LEPR: variants seen among roughly 807,000 people sequenced by gnomAD.
The protein encoded by LEPR is leptin receptor.
A neutral mutation model predicts 114.7 loss-of-function variants in LEPR; 56 were observed. The ratio of observed to expected loss-of-function variants is 0.49; its 90% CI spans 0.39 to 0.61. The LOEUF (loss-of-function observed/expected upper bound fraction) is 0.61, where lower values mean the gene tolerates loss of function less well. LEPR is among the 20% of genes least tolerant of loss of function. LEPR has a pLI of 0.00. For synonymous variants in LEPR, 443 were observed against 461.4 expected (o/e 0.96, Z 0.51); for missense variants, 1,202 against 1,352.9 (o/e 0.89, Z 1.75).
At chr1:65,489,268 A>G (rs578007135) in intron 2 of LEPR, among the ~76,000 whole-genome samples, 6 of 152,114 alleles carry the variant, frequency 3.9e-5, no homozygotes, top group Non-Finnish European at 8.8e-5. Flanking sequence ...CCACATCCTC[A>G]CCAGCATTTG....
intron 2 of LEPR, among the ~76,000 whole-genome samples, chr1:65,477,411 T>C (rs1421361170): frequency 6.6e-6 from 1 of 152,198 alleles, no homozygotes; most frequent in African/African-American, 2.4e-5. Context: ...TTAGTATCTC[T>C]TTGTCCAATG....
chr1:65,634,403 T>A (rs1658639810), intron 19 of LEPR: 1 of 971,626 alleles, frequency 1.0e-6, no homozygotes, highest in Admixed American at 6.2e-5. Flanking sequence ...TACTGCCCAC[T>A]CAACACATAT....
At chr1:65,473,452 G>T (rs1012643005) in intron 2 of LEPR, among the ~76,000 whole-genome samples, 1 of 152,142 alleles carries the variant, frequency 6.6e-6, no homozygotes, top group East Asian at 1.9e-4. Flanking sequence ...CAATACAAAA[G>T]TTATTGACCC....
At chr1:65,576,606 C>G (rs1654603094) in intron 5 of LEPR, 1 of 155,772 alleles carries the variant, frequency 6.4e-6, no homozygotes, top group Admixed American at 6.5e-5. Flanking sequence ...TACCCAAATA[C>G]CATTCAAATG....
At chr1:65,551,963 A>T (rs191542356) in intron 2 of LEPR, among the ~76,000 whole-genome samples, 29 of 152,246 alleles carry the variant, frequency 1.9e-4, no homozygotes, top group African/African-American at 6.5e-4. Flanking sequence ...TTCATTATTT[A>T]CCCAGTAGTC....
At chr1:65,558,200 G>A (rs1206875713) in intron 2 of LEPR, among the ~76,000 whole-genome samples, 1 of 152,108 alleles carries the variant, frequency 6.6e-6, no homozygotes, top group Non-Finnish European at 1.5e-5. Flanking sequence ...AAGCAGGGAG[G>A]AATTTGTACT....
At chr1:65,504,475 C>T (rs1243150099) in intron 2 of LEPR, among the ~76,000 whole-genome samples, 1 of 152,180 alleles carries the variant, frequency 6.6e-6, no homozygotes, top group Non-Finnish European at 1.5e-5. Context: ...GGAAATGACA[C>T]TTAACTTCTG....
chr1:65,593,673 CTAAG>C (rs1655856693), intron 6 of LEPR, among the ~76,000 whole-genome samples: 1 of 151,936 alleles, frequency 6.6e-6, no homozygotes, highest in African/African-American at 2.4e-5. Context: ...TTACTTCTTT[CTAAG>C]TTACTCGAGA....
intron 2 of LEPR, among the ~76,000 whole-genome samples, chr1:65,510,881 C>A (rs1438143940): frequency 6.6e-6 from 1 of 152,108 alleles, no homozygotes; most frequent in African/African-American, 2.4e-5. Flanking sequence ...TCAAGTACAG[C>A]CAATCTGTAA....
chr1:65,589,269 T>A (rs1364367684), intron 5 of LEPR, among the ~76,000 whole-genome samples: 1 of 152,056 alleles, frequency 6.6e-6, no homozygotes, highest in Non-Finnish European at 1.5e-5. Flanking sequence ...CTGGGTTGTT[T>A]GTATTATTAT....
chr1:65,490,744 C>G (rs955128632), intron 2 of LEPR, among the ~76,000 whole-genome samples: 1 of 152,046 alleles, frequency 6.6e-6, no homozygotes, highest in Non-Finnish European at 1.5e-5. Context: ...TATCCTTGGG[C>G]CTAAAAACAA....
chr1:65,538,385 C>A (rs1301037887), intron 2 of LEPR, among the ~76,000 whole-genome samples: 1 of 152,050 alleles, frequency 6.6e-6, no homozygotes, highest in Admixed American at 6.6e-5. Context: ...CTGGACTAGT[C>A]ATTTGAAAGT....
intron 2 of LEPR, among the ~76,000 whole-genome samples, chr1:65,512,482 T>C (rs1189856094): frequency 6.6e-6 from 1 of 152,166 alleles, no homozygotes; most frequent in Non-Finnish European, 1.5e-5. Context: ...GAGCCTAGCA[T>C]AGTCATGTTG....
At chr1:65,428,348 T>C (rs1646420350) in intron 2 of LEPR, among the ~76,000 whole-genome samples, 1 of 152,248 alleles carries the variant, frequency 6.6e-6, no homozygotes, top group Non-Finnish European at 1.5e-5. Flanking sequence ...TTCTTGGCTG[T>C]GGATATGTAA....
In LEPR at chr1:65,456,237, C is replaced by G. The variant is rs145476430; in HGVS notation, c.-21+30859C>G. Among the ~76,000 whole-genome samples the G allele has an allele frequency of 7.5e-4, 114 of 152,092 alleles. No homozygotes were observed. In the East Asian group the frequency reaches 0.021, roughly 28 times the overall value. On this transcript the variant is annotated intron_variant, in intron 2 of 19. Transcript: ENST00000349533. ...CTCAGATGGAAATGCAGAAATCACCCGTCTTCTGCGTGGCTCACGCTGGGA... is the reference window on the plus strand; with the variant it reads ...CTCAGATGGAAATGCAGAAATCACCGGTCTTCTGCGTGGCTCACGCTGGGA...
chr1:65,476,254 T>A (rs1279628277), intron 2 of LEPR, among the ~76,000 whole-genome samples: 5 of 151,848 alleles, frequency 3.3e-5, no homozygotes, highest in African/African-American at 9.7e-5. Context: ...TGGTTAGCTC[T>A]TTATTAAAAT....
At position 65,616,172 on chromosome 1, in the gene LEPR, T is replaced by C; in HGVS notation, c.2160T>C (p.Ile720=). The change falls in exon 15 of 20, where the codon ATT becomes ATC. Residue 720 remains isoleucine, a synonymous_variant. Coordinates refer to ENST00000349533, the MANE Select transcript of LEPR (RefSeq NM_002303.6). The stretch of plus-strand genomic sequence containing the variant: ...TTACGGTTCTGGCCATCAATTCAAT[T>C]GGTGCTTCTGTTGCAAATTTTAATT... ...HTVTVLAINS[I]GASVANFNLT... is the part of the protein sequence containing the mutation. 3 of 1,614,126 alleles carry C rather than the reference T, an allele frequency of 1.9e-6. No individual in the cohort carries two copies. Among genetic ancestry groups the C allele is most frequent in the Non-Finnish European group, 2.5e-6 (3 of 1,179,990 alleles).
chr1:65,555,422 T>G (rs189465884), intron 2 of LEPR, among the ~76,000 whole-genome samples: 51 of 152,332 alleles, frequency 3.3e-4, no homozygotes, highest in Non-Finnish European at 6.6e-4. Flanking sequence ...GAAAGAGCTG[T>G]GGTGAATAAT....
chr1:65,423,613 G>A (rs1402432188), intron 1 of LEPR, among the ~76,000 whole-genome samples: 1 of 152,082 alleles, frequency 6.6e-6, no homozygotes, highest in African/African-American at 2.4e-5. Flanking sequence ...ATTAAAGAGT[G>A]GAAATGTAAA....
Sources: allele counts gnomAD v4.1 joint callset (sites outside exome capture counted in the v4.1 genomes callset), GRCh38; gene constraint gnomAD v4.1.1; transcripts MANE v1.5; gene names NCBI Gene and HGNC (gene_info 2026-07-23, HGNC 2026-07-21).